CEP250: variants seen among roughly 807,000 people sequenced by gnomAD.
CEP250 encodes centrosomal protein 250.
In CEP250, 242 loss-of-function variants were observed where a neutral mutation model predicts 315.7. The observed-to-expected ratio is 0.77, with a 90% CI of 0.69 to 0.85. The LOEUF (loss-of-function observed/expected upper bound fraction) is 0.85, where lower values mean the gene tolerates loss of function less well. Ranked by LOEUF, CEP250 falls within the 40% of genes least tolerant of loss-of-function variation. The pLI, the probability that CEP250 is intolerant of heterozygous loss-of-function variation, is 0.00. For missense variants in CEP250, 2,515 were observed against 2,886.4 expected (o/e 0.87, Z 2.95); for synonymous variants, 1,088 against 1,175.0 (o/e 0.93, Z 1.51).
intron 1 of CEP250, among the ~76,000 whole-genome samples, chr20:35,456,103 C>T (rs1277514288): frequency 6.6e-6 from 1 of 152,312 alleles, no homozygotes; most frequent in East Asian, 1.9e-4. Context: ...CCATGTTGGT[C>T]AGGCTGATCT....
chr20:35,479,860 C>A, intron 19 of CEP250, 87 bp downstream of exon 19: 1 of 1,601,608 alleles, frequency 6.2e-7, no homozygotes, highest in South Asian at 1.1e-5. Flanking sequence ...AGAGGTCCTT[C>A]TCCAGCAGGG....
rs191059851 is a variant in CEP250 at position 35,456,784 on chromosome 20, C to G, written c.-298+1033C>G. Among the ~76,000 whole-genome samples the G allele has an allele frequency of 7.8e-5, 11 of 140,594 alleles. No individual in the cohort carries two copies. The East Asian group carries it at 1.2e-3, about 15-fold the overall frequency. 92.2% of individuals were successfully genotyped at this position (140,594 alleles called of 152,430 possible). On this transcript the variant is annotated intron_variant, in intron 1 of 34. Transcript: ENST00000397527. Reference sequence around the variant, plus strand: ...AAGCTATAAGTTATATGCCTCCCCCCACTTTTTTTTTTTTTTTTGAGACCT... The same window carrying G: ...AAGCTATAAGTTATATGCCTCCCCCGACTTTTTTTTTTTTTTTTGAGACCT...
At chr20:35,483,287 T>C (rs2063405734) in intron 20 of CEP250, among the ~76,000 whole-genome samples, 1 of 150,438 alleles carries the variant, frequency 6.6e-6, no homozygotes, top group Non-Finnish European at 1.5e-5. Context: ...GCCATTACAC[T>C]CCAGCCTGGG....
chr20:35,477,933 T>C lies in CEP250; in HGVS notation c.1926T>C (p.Ala642=). ...AGGCCGCAGAGCAGGCGAGAAATGC[T>C]TTGCAGGTCGACCTGGCGGAGGCAG... ...RMEAAEQARN[A]LQVDLAEAEK... is the part of the protein sequence containing the mutation. The change falls in exon 17 of 35, where the codon GCT becomes GCC. Residue 642 remains alanine (A), a synonymous_variant. Transcript: ENST00000397527. 1 of 1,609,060 alleles carries C rather than the reference T, an allele frequency of 6.2e-7. No homozygotes were observed. Among genetic ancestry groups the C allele is most frequent in the Non-Finnish European group, 8.5e-7 (1 of 1,177,970 alleles).
At chr20:35,495,499 A>T (rs945852466) in intron 24 of CEP250, among the ~76,000 whole-genome samples, 2 of 152,074 alleles carry the variant, frequency 1.3e-5, no homozygotes, top group African/African-American at 4.8e-5. Flanking sequence ...GTGTCCCACG[A>T]CTGTAATCCC....
Position 35,467,077 on chromosome 20 carries a change from G to A in CEP250, c.599+5G>A, listed in dbSNP as rs1162584600. The A allele has an allele frequency of 5.6e-6, 9 of 1,605,944 alleles. No homozygotes were observed. In the African/African-American group the frequency reaches 8.0e-5, roughly 14 times the overall value. On this transcript the variant is annotated splice_donor_5th_base_variant and intron_variant, in intron 8 of 34. Coordinates refer to ENST00000397527, the MANE Select transcript of CEP250 (RefSeq NM_007186.6). Reference sequence around the variant, plus strand: ...AATGAAGTCAGCTACTGACAGGTCAGTGTGGGGAGAAGAAGGGAGGAGGTT... The same window carrying A: ...AATGAAGTCAGCTACTGACAGGTCAATGTGGGGAGAAGAAGGGAGGAGGTT...
At position 35,503,465 on chromosome 20, in the gene CEP250, TG is replaced by T. The variant is rs778492594; in HGVS notation, c.5097del (p.Thr1700ProfsTer6). ...TCCTTGAGAGAGCGAGGCCGGGAGCTGACCACTCAGAGGCAGCTGATGCAGG... is the reference window on the plus strand; with the variant it reads ...TCCTTGAGAGAGCGAGGCCGGGAGCTACCACTCAGAGGCAGCTGATGCAGG... ...KLSLRERGRELTTQRQLMQER... is the reference protein window; with the variant it reads ...KLSLRERGREXTTQRQLMQER... On this transcript the variant is annotated frameshift_variant, in exon 30 of 35. Coordinates refer to ENST00000397527, the MANE Select transcript of CEP250 (RefSeq NM_007186.6). LOFTEE classifies it high-confidence loss of function. The surrounding 1 kb of genome is among the most constrained non-coding windows in gnomAD (Gnocchi z 4.2). 6.2e-7 allele frequency: 1 copy of T among 1,613,894 alleles called. No homozygotes were observed. Among genetic ancestry groups the T allele is most frequent in the East Asian group, 2.2e-5 (1 of 44,862 alleles).
intron 30 of CEP250, 128 bp from the exon 31 acceptor site, chr20:35,507,610 T>G: frequency 1.3e-6 from 1 of 747,618 alleles, no homozygotes; most frequent in Non-Finnish European, 2.3e-6. Context: ...CTAGAATGAC[T>G]CAGAGCCTCT....
intron 8 of CEP250, 89 bp downstream of exon 8, chr20:35,467,161 G>C (rs551595644): frequency 1.6e-6 from 2 of 1,213,054 alleles, no homozygotes; most frequent in African/African-American, 1.5e-5. Flanking sequence ...GATCAGCTGT[G>C]GGGGTGGGGT....
At chr20:35,468,416 GT>G (rs1224305915) in intron 9 of CEP250, among the ~76,000 whole-genome samples, 43 of 152,198 alleles carry the variant, frequency 2.8e-4, no homozygotes, top group African/African-American at 1.0e-3. Flanking sequence ...TTATAATGAA[GT>G]AGGTTTTTAA....
In CEP250 at chr20:35,504,344, G is replaced by A. The variant is rs760800311; in HGVS notation, c.5975G>A (p.Arg1992His). ...CTCCTCGAGCAGGCAGAATTGAGCC[G>A]CAGTCTGGAGGCCAGCACTGCAACC... ...QHLLEQAELS[R>H]SLEASTATLQ... The change falls in exon 30 of 35, where the codon CGC becomes CAC. Residue 1992 changes from arginine (R) to histidine (H), a missense_variant. Coordinates refer to ENST00000397527, the MANE Select transcript of CEP250 (RefSeq NM_007186.6). 1.2e-5 allele frequency: 19 copies of A among 1,593,598 alleles called. No homozygotes were observed. Among genetic ancestry groups the A allele is most frequent in the African/African-American group, 5.4e-5 (4 of 74,444 alleles).
At chr20:35,493,338 C>T in intron 22 of CEP250, 91 bp from the exon 23 acceptor site, 1 of 1,222,460 alleles carries the variant, frequency 8.2e-7, no homozygotes, top group Admixed American at 2.7e-5. Flanking sequence ...GGATTGCTGG[C>T]TCCTGCCTCA....
chr20:35,493,576 C>G lies in CEP250; in HGVS notation c.3033+4C>G. The G allele has an allele frequency of 6.5e-7, 1 of 1,527,324 alleles. No individual in the cohort carries two copies. The highest frequency in any genetic ancestry group is 2.4e-5 in the East Asian group (1 of 42,096). The allele number at this position is 1,527,324 out of a possible 1,614,324, so 94.6% of individuals were successfully genotyped here. ...TAAGATGGACCTGCAGAAGCAGGTC[C>G]CCTCCTCCTCCCCACCAAGTCCCAT... On this transcript the variant is annotated splice_donor_region_variant and intron_variant, in intron 23 of 34. Transcript: ENST00000397527.
In CEP250 at chr20:35,494,674, A is replaced by AT. The variant is rs1568815307; in HGVS notation, c.3167+18dup. On this transcript the variant is annotated intron_variant, in intron 24 of 34. Coordinates refer to ENST00000397527, the MANE Select transcript of CEP250 (RefSeq NM_007186.6). ...GAAAGCCAGGTAGGCTAGATAGGCCATGGAGGTGGCTTTTGTCTATCTGGC... is the reference window on the plus strand; with the variant it reads ...GAAAGCCAGGTAGGCTAGATAGGCCATTGGAGGTGGCTTTTGTCTATCTGGC... 1 of 1,613,358 alleles carries AT rather than the reference A, an allele frequency of 6.2e-7. No homozygotes were observed.
intron 24 of CEP250, 150 bp from the exon 25 acceptor site, chr20:35,496,427 A>G (rs2063835610): frequency 1.4e-6 from 1 of 711,162 alleles, no homozygotes; most frequent in Non-Finnish European, 2.2e-6. Flanking sequence ...GTAAGTGCTC[A>G]ATAAATGATA....
At chr20:35,457,020 G>A (rs1306656914) in intron 1 of CEP250, among the ~76,000 whole-genome samples, 1 of 152,160 alleles carries the variant, frequency 6.6e-6, no homozygotes. Context: ...GGCCTCAAAT[G>A]ATCTGCCCAA....
intron 30 of CEP250, among the ~76,000 whole-genome samples, chr20:35,505,482 G>A (rs1031731253): frequency 2.0e-5 from 3 of 152,016 alleles, no homozygotes; most frequent in South Asian, 2.1e-4. Flanking sequence ...GTGAAACCCC[G>A]TCTCTACTAA....
intron 11 of CEP250, 81 bp from the exon 12 acceptor site, chr20:35,472,592 G>C: frequency 7.1e-7 from 1 of 1,412,232 alleles, no homozygotes. Flanking sequence ...CATCAGGTTT[G>C]TCCAGGCTAT....
chr20:35,502,854 C>T lies in CEP250; in HGVS notation c.4485C>T (p.Ala1495=), dbSNP rs114039410. ...CRSVLEHLPM[A]VQEREQKLTV... The stretch of plus-strand genomic sequence containing the variant: ...CTGTTTTAGAGCATCTGCCCATGGC[C>T]GTCCAGGAGCGAGAGCAGAAGCTGA... Residue 1495 remains alanine, a synonymous_variant, in exon 30 of 35, where the codon GCC becomes GCT. Transcript: ENST00000397527. 1.8e-4 allele frequency: 293 copies of T among 1,613,640 alleles called. 1 individual carries two copies. The African/African-American group carries it at 3.4e-3, about 18-fold the overall frequency.
Sources: allele counts gnomAD v4.1 joint callset (sites outside exome capture counted in the v4.1 genomes callset), GRCh38; gene constraint gnomAD v4.1.1; non-coding constraint Gnocchi (gnomAD v3.1); transcripts MANE v1.5; gene names NCBI Gene and HGNC (gene_info 2026-07-23, HGNC 2026-07-21).